ADGRG6: variants seen among roughly 807,000 people sequenced by gnomAD.
ADGRG6 encodes the protein G-protein coupled receptor 126.
A neutral mutation model predicts 142.4 loss-of-function variants in ADGRG6; 84 were observed. That is an observed-to-expected ratio of 0.59 (90% CI 0.49 to 0.71). ADGRG6 has a LOEUF of 0.71. Among genes scored for constraint, ADGRG6 ranks in the 30% least tolerant of loss-of-function variants. ADGRG6 has a pLI of 0.00. For missense variants in ADGRG6, 1,367 were observed against 1,466.6 expected, an observed-to-expected ratio of 0.93 and a Z score of 1.11; for synonymous variants, 521 against 520.5, an observed-to-expected ratio of 1.00 and a Z score of -0.01.
In ADGRG6 at chr6:142,400,571, C is replaced by T. The variant is rs1271449369; in HGVS notation, c.1654C>T (p.Pro552Ser). Residue 552 changes from proline to serine, a missense_variant, in exon 11 of 25, where the codon CCT (proline) becomes TCT (serine). Pro to Ser is a moderately conservative substitution (Grantham distance 74, BLOSUM62 -1). Coordinates refer to ENST00000367609, the MANE Select transcript of ADGRG6 (RefSeq NM_198569.3). ...SEYVLPCPDKPGFSASRICFY... is the reference protein window; with the variant it reads ...SEYVLPCPDKSGFSASRICFY... ...ATACGTTCTTCCTTGTCCAGACAAGCCTGGCTTTTCTGCTTCTCGGATATG... is the reference window on the plus strand; with the variant it reads ...ATACGTTCTTCCTTGTCCAGACAAGTCTGGCTTTTCTGCTTCTCGGATATG... The T allele has an allele frequency of 6.3e-7, 1 of 1,592,922 alleles. No homozygotes were observed. Among genetic ancestry groups the T allele is most frequent in the South Asian group, 1.1e-5 (1 of 90,358 alleles).
At chr6:142,388,394 A>G (rs995748212) in intron 6 of ADGRG6, among the ~76,000 whole-genome samples, 10 of 152,162 alleles carry the variant, frequency 6.6e-5, no homozygotes, top group African/African-American at 2.4e-4. Context: ...TAACAAAAGC[A>G]TGCTTTAGGT....
intron 2 of ADGRG6, among the ~76,000 whole-genome samples, chr6:142,363,016 T>G (rs1414803766): frequency 6.6e-6 from 1 of 152,212 alleles, no homozygotes; most frequent in Non-Finnish European, 1.5e-5. Flanking sequence ...GCAGGCAACT[T>G]AAGCTAAATT....
chr6:142,385,325 G>A (rs1484775807), intron 6 of ADGRG6, among the ~76,000 whole-genome samples: 2 of 152,004 alleles, frequency 1.3e-5, no homozygotes, highest in African/African-American at 4.8e-5. Context: ...CCACATTAAT[G>A]AAAAAAATCT....
chr6:142,402,771 G>T lies in ADGRG6; in HGVS notation c.1896G>T (p.Met632Ile), dbSNP rs769911718. 2 of 1,601,580 alleles carry T rather than the reference G, an allele frequency of 1.2e-6. No homozygotes were observed. The highest frequency in any genetic ancestry group is 2.2e-5 in the East Asian group (1 of 44,696). Residue 632 changes from methionine (M) to isoleucine (I), a missense_variant, in exon 13 of 25, where the codon ATG becomes ATT. Physicochemically the swap from Met to Ile is conservative, Grantham distance 10. Transcript: ENST00000367609. The stretch of plus-strand genomic sequence containing the variant: ...ATATAACACTTGGCTCAACTCTAAT[G>T]AATATATTTTCTAATATCTTAAGCA... Reference protein sequence around the residue: ...NIDITLGSTLMNIFSNILSSS... With the variant: ...NIDITLGSTLINIFSNILSSS...
intron 9 of ADGRG6, among the ~76,000 whole-genome samples, chr6:142,395,385 T>G (rs1416572632): frequency 1.3e-5 from 2 of 152,156 alleles, no homozygotes; most frequent in African/African-American, 4.8e-5. Context: ...CTGGACACTT[T>G]GTGTAGCAAC....
intron 2 of ADGRG6, among the ~76,000 whole-genome samples, chr6:142,343,381 A>G (rs1206895069): frequency 6.6e-6 from 1 of 151,730 alleles, no homozygotes; most frequent in Non-Finnish European, 1.5e-5. Flanking sequence ...GCAGAAAAAA[A>G]TTACATATAT....
intron 4 of ADGRG6, among the ~76,000 whole-genome samples, chr6:142,371,484 GTT>G (rs1273994234): frequency 3.2e-5 from 3 of 93,200 alleles, no homozygotes; most frequent in African/African-American, 4.7e-5. Flanking sequence ...GTTTTTTTTT[GTT>G]TTTTTTTTTT....
intron 6 of ADGRG6, among the ~76,000 whole-genome samples, chr6:142,389,250 T>C (rs1021020193): frequency 6.6e-5 from 10 of 151,950 alleles, no homozygotes; most frequent in African/African-American, 2.2e-4. Flanking sequence ...AGGCAAACTT[T>C]TACATTTTTT....
intron 2 of ADGRG6, among the ~76,000 whole-genome samples, chr6:142,314,315 A>G (rs74468413): frequency 0.01 from 1,582 of 152,302 alleles, 34 homozygotes; most frequent in African/African-American, 0.036. Flanking sequence ...TGGGACCACT[A>G]ATGAAACTGA....
chr6:142,433,724 A>G (rs1370832219), intron 22 of ADGRG6, among the ~76,000 whole-genome samples: 1 of 152,170 alleles, frequency 6.6e-6, no homozygotes, highest in East Asian at 1.9e-4. Context: ...AAATAATTGA[A>G]ATTGATTGAT....
chr6:142,337,291 T>C (rs1427329601), intron 2 of ADGRG6, among the ~76,000 whole-genome samples: 1 of 152,196 alleles, frequency 6.6e-6, no homozygotes, highest in Admixed American at 6.5e-5. Flanking sequence ...TTTCCACCTA[T>C]TGGAAGCAGT....
intron 23 of ADGRG6, 60 bp downstream of exon 23, chr6:142,437,595 T>G (rs1156257014): frequency 1.2e-6 from 1 of 838,188 alleles, no homozygotes; most frequent in East Asian, 2.4e-5. Context: ...TGTCATTCAG[T>G]CTTTCATTGT....
At chr6:142,411,553 TAAAG>T (rs1776090340) in intron 18 of ADGRG6, 142 bp downstream of exon 18, 1 of 560,360 alleles carries the variant, frequency 1.8e-6, no homozygotes, top group Non-Finnish European at 3.3e-6. Context: ...TAATTCTTAA[TAAAG>T]AATCTAATTA....
In ADGRG6 at chr6:142,383,746, A is replaced by T. The variant is rs1413427864; in HGVS notation, c.1139-14A>T. The T allele has an allele frequency of 2.9e-6, 4 of 1,359,942 alleles. No homozygotes were observed. In the South Asian group the frequency reaches 4.8e-5, roughly 16 times the overall value. 84.2% of individuals were successfully genotyped at this position (1,359,942 alleles called of 1,614,324 possible). On this transcript the variant is annotated splice_polypyrimidine_tract_variant and intron_variant, in intron 5 of 24. Transcript: ENST00000367609. Reference sequence around the variant, plus strand: ...CTCTTTGCAAAATTACATCTTTCTCATCTTTATTACCAGCTACTGTAAACT... The same window carrying T: ...CTCTTTGCAAAATTACATCTTTCTCTTCTTTATTACCAGCTACTGTAAACT...
intron 6 of ADGRG6, 126 bp downstream of exon 6, chr6:142,383,969 T>C: frequency 1.7e-6 from 1 of 604,792 alleles, no homozygotes; most frequent in Non-Finnish European, 2.9e-6. Flanking sequence ...TTTGTAGGTT[T>C]ACAAGATTAG....
chr6:142,331,895 G>T (rs1277394709), intron 2 of ADGRG6, among the ~76,000 whole-genome samples: 1 of 152,054 alleles, frequency 6.6e-6, no homozygotes, highest in Non-Finnish European at 1.5e-5. Context: ...CCATCTTTTA[G>T]TGAGATGCAA....
At chr6:142,373,834 G>A (rs1781366083) in intron 4 of ADGRG6, among the ~76,000 whole-genome samples, 1 of 149,184 alleles carries the variant, frequency 6.7e-6, no homozygotes, top group South Asian at 2.1e-4. Flanking sequence ...ATGAGGGATT[G>A]TGCCCAGCAC....
At position 142,446,241 on chromosome 6, in the gene ADGRG6, T is replaced by C. The variant is rs950873187; in HGVS notation, c.*2726T>C. 2.6e-5 allele frequency: 4 copies of C among 152,648 alleles called. No individual in the cohort carries two copies. Among genetic ancestry groups the C allele is most frequent in the Non-Finnish European group, 4.4e-5 (3 of 68,038 alleles). 9.5% of individuals were successfully genotyped at this position (152,648 alleles called of 1,614,324 possible). A position where few individuals can be genotyped will look rare whatever the true frequency, so the allele number is the denominator to read the frequency against. On this transcript the variant is annotated 3_prime_UTR_variant, in exon 25 of 25. Transcript: ENST00000367609. ...AAAATGTTTTTCAAATAAATACTTA[T>C]GTTGTTCATGTTCCAAGTTATTCAA...
chr6:142,408,581 C>T (rs1775931677), intron 16 of ADGRG6, among the ~76,000 whole-genome samples: 1 of 152,018 alleles, frequency 6.6e-6, no homozygotes, highest in African/African-American at 2.4e-5. Context: ...CACAATTCTG[C>T]CAATAGAGGT....
Sources: gnomAD v4.1 joint callset for allele counts (sites outside exome capture counted in the v4.1 genomes callset) on GRCh38, gnomAD v4.1.1 for gene constraint, MANE v1.5 for transcripts, NCBI Gene and HGNC (gene_info 2026-07-23, HGNC 2026-07-21) for gene names.